NKAIN2: variants seen among roughly 807,000 people sequenced by gnomAD.
NKAIN2 encodes sodium/potassium transporting ATPase interacting 2.
NKAIN2 carries 14 observed loss-of-function variants against 32.6 expected under a neutral mutation model. The observed-to-expected ratio is 0.43, with a 90% CI of 0.28 to 0.67. The LOEUF (loss-of-function observed/expected upper bound fraction) is 0.67, where lower values mean the gene tolerates loss of function less well. Among genes scored for constraint, NKAIN2 ranks in the 30% least tolerant of loss-of-function variants. The pLI, the probability that NKAIN2 is intolerant of heterozygous loss-of-function variation, is 0.17. For missense variants in NKAIN2, 198 were observed against 258.3 expected (o/e 0.77, Z 1.60); for synonymous variants, 80 against 87.2 (o/e 0.92, Z 0.46).
At chr6:124,195,985 A>T (rs1260493109) in intron 1 of NKAIN2, among the ~76,000 whole-genome samples, 7 of 152,132 alleles carry the variant, frequency 4.6e-5, no homozygotes, top group Non-Finnish European at 8.8e-5. Flanking sequence ...AAAAATTTGT[A>T]CTAAATATTA....
intron 3 of NKAIN2, among the ~76,000 whole-genome samples, chr6:124,398,071 G>A (rs1283921721): frequency 6.6e-6 from 1 of 151,570 alleles, no homozygotes; most frequent in South Asian, 2.1e-4. Context: ...CGCTAACACG[G>A]TGAAACCCCA....
At chr6:124,620,646 T>C (rs1783071051) in intron 3 of NKAIN2, among the ~76,000 whole-genome samples, 1 of 152,182 alleles carries the variant, frequency 6.6e-6, no homozygotes, top group South Asian at 2.1e-4. Context: ...AAGCTAAGGT[T>C]AGGGTTTAAA....
intron 1 of NKAIN2, chr6:124,122,026 A>T: frequency 4.0e-6 from 1 of 251,324 alleles, no homozygotes; most frequent in Non-Finnish European, 7.1e-6. Context: ...ATCAGTGTTC[A>T]TGTTTCACTA....
chr6:124,350,079 A>G (rs915888836), intron 2 of NKAIN2, among the ~76,000 whole-genome samples: 3 of 152,236 alleles, frequency 2.0e-5, no homozygotes, highest in East Asian at 3.8e-4. Flanking sequence ...AATTAGTTTT[A>G]TAGCAGAAAA....
intron 4 of NKAIN2, among the ~76,000 whole-genome samples, chr6:124,732,426 A>G (rs1338295864): frequency 6.6e-6 from 1 of 152,082 alleles, no homozygotes; most frequent in African/African-American, 2.4e-5. Flanking sequence ...GGTCACAGTG[A>G]TGGCATGAAA....
intron 1 of NKAIN2, among the ~76,000 whole-genome samples, chr6:124,175,325 A>T (rs1266772651): frequency 6.6e-6 from 1 of 152,212 alleles, no homozygotes; most frequent in Non-Finnish European, 1.5e-5. Flanking sequence ...GGAAAAAAAG[A>T]ACAATATTAT....
chr6:124,709,426 C>T (rs1367756655), intron 4 of NKAIN2, among the ~76,000 whole-genome samples: 15 of 151,496 alleles, frequency 9.9e-5, no homozygotes, highest in African/African-American at 3.6e-4. Context: ...ACCAGTTCCT[C>T]CTTGTACCTC....
intron 1 of NKAIN2, among the ~76,000 whole-genome samples, chr6:124,214,715 A>G (rs1791376729): frequency 6.6e-6 from 1 of 152,158 alleles, no homozygotes; most frequent in Non-Finnish European, 1.5e-5. Flanking sequence ...ACAAAACAAC[A>G]AACAAACAAA....
chr6:123,834,934 A>G (rs1774550797), intron 1 of NKAIN2, among the ~76,000 whole-genome samples: 1 of 152,144 alleles, frequency 6.6e-6, no homozygotes, highest in Non-Finnish European at 1.5e-5. Context: ...GTTGTGGTGT[A>G]TAATTCTTTT....
intron 3 of NKAIN2, among the ~76,000 whole-genome samples, chr6:124,391,769 T>C (rs1464054896): frequency 6.6e-6 from 1 of 152,166 alleles, no homozygotes; most frequent in Non-Finnish European, 1.5e-5. Flanking sequence ...TATAAATTAC[T>C]TTTGGTGGTG....
intron 1 of NKAIN2, among the ~76,000 whole-genome samples, chr6:123,865,980 T>G (rs960144392): frequency 1.3e-5 from 2 of 152,218 alleles, no homozygotes; most frequent in Non-Finnish European, 2.9e-5. Flanking sequence ...CTAGCTCTCT[T>G]TGTGAAATGA....
At chr6:124,708,722 C>T (rs1229630511) in intron 4 of NKAIN2, among the ~76,000 whole-genome samples, 3 of 152,210 alleles carry the variant, frequency 2.0e-5, no homozygotes, top group African/African-American at 7.2e-5. Flanking sequence ...TGCTTATCAG[C>T]TTAAGAAGAG....
chr6:123,920,959 C>T (rs1185131541), intron 1 of NKAIN2, among the ~76,000 whole-genome samples: 1 of 152,132 alleles, frequency 6.6e-6, no homozygotes, highest in African/African-American at 2.4e-5. Flanking sequence ...GGTTCTTTTC[C>T]ACTCCTGTTC....
intron 5 of NKAIN2, among the ~76,000 whole-genome samples, chr6:124,813,981 T>A (rs1234336423): frequency 6.6e-6 from 1 of 152,154 alleles, no homozygotes; most frequent in Non-Finnish European, 1.5e-5. Flanking sequence ...ATAAATGTCA[T>A]TATATAAAAG....
At chr6:123,975,296 C>A (rs1009221308) in intron 1 of NKAIN2, among the ~76,000 whole-genome samples, 1 of 151,894 alleles carries the variant, frequency 6.6e-6, no homozygotes, top group Non-Finnish European at 1.5e-5. Flanking sequence ...TTTTATTTTC[C>A]TTTTTCCACT....
chr6:124,644,414 T>C (rs1466497479), intron 3 of NKAIN2, among the ~76,000 whole-genome samples: 9 of 151,804 alleles, frequency 5.9e-5, no homozygotes, highest in African/African-American at 1.9e-4. Context: ...TTTTCTTTTT[T>C]TTTTTTTTGA....
intron 4 of NKAIN2, among the ~76,000 whole-genome samples, chr6:124,661,898 T>TCAAA (rs3051843): frequency 0.67 from 100,919 of 151,706 alleles, 34,000 homozygotes; most frequent in African/African-American, 0.77. Context: ...TCGGATCCTT[T>TCAAA]CAATGTGTGA....
intron 3 of NKAIN2, among the ~76,000 whole-genome samples, chr6:124,608,855 A>T (rs542875490): frequency 1.3e-5 from 2 of 152,164 alleles, no homozygotes; most frequent in African/African-American, 4.8e-5. Flanking sequence ...ATGCCTGTGG[A>T]CTATAATTCT....
chr6:123,854,263 C>T (rs962680461), intron 1 of NKAIN2, among the ~76,000 whole-genome samples: 3 of 152,154 alleles, frequency 2.0e-5, no homozygotes, highest in African/African-American at 7.2e-5. Flanking sequence ...CTGATTCTGT[C>T]AGTGCCTCTT....
Sources: allele counts gnomAD v4.1 joint callset (sites outside exome capture counted in the v4.1 genomes callset), GRCh38; gene constraint gnomAD v4.1.1; transcripts MANE v1.5; gene names NCBI Gene and HGNC (gene_info 2026-07-23, HGNC 2026-07-21).